The following GRIP1 variants were observed in gnomAD, a reference collection of about 807,000 sequenced individuals.
GRIP1 encodes glutamate receptor-interacting protein 1.
A neutral mutation model predicts 129.9 loss-of-function variants in GRIP1; 45 were observed. The ratio of observed to expected loss-of-function variants is 0.35; its 90% CI spans 0.27 to 0.44. GRIP1 has a LOEUF of 0.44. Among genes scored for constraint, GRIP1 ranks in the 20% least tolerant of loss-of-function variants. GRIP1 has a pLI of 1.00. For synonymous variants in GRIP1, 530 were observed against 520.8 expected (o/e 1.02, Z -0.24); for missense variants, 1,196 against 1,396.8 (o/e 0.86, Z 2.29).
intron 2 of GRIP1, among the ~76,000 whole-genome samples, chr12:66,587,088 C>T (rs1008558898): frequency 2.0e-5 from 3 of 152,204 alleles, no homozygotes; most frequent in Admixed American, 6.5e-5. Context: ...TCTGGCCATG[C>T]TCAGCCATTC....
intron 11 of GRIP1, 102 bp from the exon 12 acceptor site, chr12:66,445,610 A>C (rs1216492415): frequency 6.5e-6 from 5 of 765,066 alleles, no homozygotes; most frequent in Non-Finnish European, 1.0e-5. Context: ...ACTGAATGGC[A>C]ATGGTGGGAG....
chr12:66,780,666 G>T (rs1352691847), intron 1 of GRIP1, among the ~76,000 whole-genome samples: 5 of 152,138 alleles, frequency 3.3e-5, no homozygotes, highest in Admixed American at 1.3e-4. Context: ...GAGTGATGAG[G>T]TCTATATCCT....
chr12:66,652,230 T>G (rs1449001510), intron 1 of GRIP1, among the ~76,000 whole-genome samples: 3 of 152,102 alleles, frequency 2.0e-5, no homozygotes, highest in African/African-American at 7.2e-5. Context: ...GGGAGGGACC[T>G]CTTAGGAGGT....
chr12:66,444,977 T>C (rs974456272), intron 12 of GRIP1, among the ~76,000 whole-genome samples: 4 of 152,230 alleles, frequency 2.6e-5, no homozygotes, highest in African/African-American at 9.6e-5. Context: ...ATGGTATTGT[T>C]AGAATCTGAT....
chr12:66,860,699 A>C (rs1309491956), intron 1 of GRIP1, among the ~76,000 whole-genome samples: 2 of 152,044 alleles, frequency 1.3e-5, no homozygotes, highest in Non-Finnish European at 2.9e-5. Context: ...CCTTATGGTC[A>C]ATGCATCTCA....
intron 7 of GRIP1, among the ~76,000 whole-genome samples, chr12:66,489,993 T>C (rs1368325697): frequency 1.3e-5 from 2 of 151,976 alleles, no homozygotes; most frequent in African/African-American, 4.8e-5. Context: ...CATAAACAAA[T>C]GAAAAAACAT....
chr12:66,518,114 A>G, intron 5 of GRIP1, 138 bp from the exon 6 acceptor site: 1 of 705,632 alleles, frequency 1.4e-6, no homozygotes, highest in East Asian at 2.6e-5. Context: ...GAGGCATACA[A>G]AAGCCTTAAA....
chr12:66,421,369 C>T (rs1415872628), intron 14 of GRIP1, among the ~76,000 whole-genome samples: 1 of 152,184 alleles, frequency 6.6e-6, no homozygotes, highest in East Asian at 1.9e-4. Context: ...CATGGTGAAA[C>T]CCCACCTCTA....
Position 66,529,833 on chromosome 12 carries a change from C to T in GRIP1, c.500G>A (p.Arg167Gln), listed in dbSNP as rs1301425403. 2.6e-6 allele frequency: 4 copies of T among 1,558,672 alleles called. No homozygotes were observed. Among genetic ancestry groups the T allele is most frequent in the Non-Finnish European group, 2.7e-6 (3 of 1,129,558 alleles). Residue 167 changes from arginine (R) to glutamine (Q), a missense_variant and splice_region_variant, in exon 5 of 25, where the codon CGA (arginine) becomes CAA (glutamine). Around this residue, in one of 5 missense-constraint regions of GRIP1, gnomAD observed 217 missense variants for 224.8 expected, o/e 0.97. Coordinates refer to ENST00000359742, the MANE Select transcript of GRIP1 (RefSeq NM_001366722.1). ...AGATTTTTCTAACCAACACCTACCT[C>T]GAATTACAAAACCAAAGGTATTGCC... ...KEGNTFGFVIRGGAHDDRNKS... is the reference protein window; with the variant it reads ...KEGNTFGFVIQGGAHDDRNKS...
At chr12:66,840,643 AC>A (rs1259680390) in intron 1 of GRIP1, among the ~76,000 whole-genome samples, 1 of 152,166 alleles carries the variant, frequency 6.6e-6, no homozygotes, top group East Asian at 1.9e-4. Context: ...ACTCTGAAAT[AC>A]CTAAGATTTT....
chr12:66,409,364 G>A (rs1332772048), intron 15 of GRIP1, among the ~76,000 whole-genome samples: 1 of 152,190 alleles, frequency 6.6e-6, no homozygotes, highest in Non-Finnish European at 1.5e-5. Context: ...AGAAAAGGAA[G>A]AGAACAAGAG....
chr12:66,956,849 C>T (rs1203787526), intron 1 of GRIP1, among the ~76,000 whole-genome samples: 1 of 152,114 alleles, frequency 6.6e-6, no homozygotes, highest in African/African-American at 2.4e-5. Flanking sequence ...TATATATTAG[C>T]TGACATAACA....
In GRIP1 at chr12:66,706,086, A is replaced by G. The variant is rs181391316; in HGVS notation, c.-419-75750T>C. ...TAATTAAACCAAAGAGCTTCTGCAC[A>G]GCAAAAGAAACTAGCATCAGAGTGA... On this transcript the variant is annotated intron_variant, in intron 1 of 4. Coordinates refer to the GRIP1 transcript ENST00000538373. 3.5e-3 allele frequency among the ~76,000 whole-genome samples: 538 copies of G among 152,346 alleles called. 2 individuals carry two copies. Among genetic ancestry groups the G allele is most frequent in the African/African-American group, 0.012 (518 of 41,582 alleles).
chr12:66,613,113 T>C (rs1383157757), intron 1 of GRIP1, among the ~76,000 whole-genome samples: 1 of 152,178 alleles, frequency 6.6e-6, no homozygotes, highest in Non-Finnish European at 1.5e-5. Context: ...CTTTAAAATA[T>C]AATATGGTAA....
rs1372033808 is a variant in GRIP1, at chr12:67,046,114, G to A, written c.58+22936C>T. Among the ~76,000 whole-genome samples the A allele has an allele frequency of 1.3e-5, 2 of 152,148 alleles. 1 individual carries two copies. The highest frequency in any genetic ancestry group is 4.1e-4 in the South Asian group (2 of 4,830). On this transcript the variant is annotated intron_variant, in intron 1 of 1. Coordinates refer to the GRIP1 transcript ENST00000643019. Reference sequence around the variant, plus strand: ...TGCCATTTTATTTTCTGATAAAACTGTAAAGAAAACAACCTGAGCCCTCTT... The same window carrying A: ...TGCCATTTTATTTTCTGATAAAACTATAAAGAAAACAACCTGAGCCCTCTT...
intron 1 of GRIP1, among the ~76,000 whole-genome samples, chr12:66,897,563 A>C (rs558334531): frequency 6.1e-4 from 93 of 152,290 alleles, no homozygotes; most frequent in African/African-American, 2.2e-3. Flanking sequence ...ACCAACCTAC[A>C]AATGCATGGG....
intron 1 of GRIP1, among the ~76,000 whole-genome samples, chr12:66,786,820 T>C: frequency 6.6e-6 from 1 of 152,166 alleles, no homozygotes; most frequent in East Asian, 1.9e-4. Flanking sequence ...AAAACAGCAC[T>C]AAGGCTTAAC....
chr12:66,351,862 C>T (rs2054242382), intron 24 of GRIP1, among the ~76,000 whole-genome samples: 1 of 152,094 alleles, frequency 6.6e-6, no homozygotes. Flanking sequence ...CTCCTAGAGT[C>T]GCTGGTTTAA....
chr12:66,970,116 C>A (rs10878545), intron 1 of GRIP1, among the ~76,000 whole-genome samples: 11 of 151,916 alleles, frequency 7.2e-5, no homozygotes, highest in Non-Finnish European at 1.6e-4. Context: ...CTTACTTACT[C>A]TGTTGCCCAA....
Sources: gnomAD v4.1 joint callset for allele counts (sites outside exome capture counted in the v4.1 genomes callset) on GRCh38, gnomAD v4.1.1 for gene constraint, gnomAD v4.1.1 regional missense constraint, MANE v1.5 for transcripts, NCBI Gene and HGNC (gene_info 2026-07-23, HGNC 2026-07-21) for gene names.